MATN2: variants seen among roughly 807,000 people sequenced by gnomAD.
MATN2 encodes the protein matrilin-2.
Under a neutral mutation model 103.2 loss-of-function variants are expected in MATN2, and 69 were observed. The observed-to-expected ratio is 0.67, with a 90% CI of 0.55 to 0.82. The LOEUF (loss-of-function observed/expected upper bound fraction) is 0.82. MATN2 is among the 40% of genes least tolerant of loss of function. The pLI is 0.00. For missense variants in MATN2, 1,023 were observed against 1,211.5 expected, an observed-to-expected ratio of 0.84 and a Z score of 2.31; for synonymous variants, 429 against 450.2, an observed-to-expected ratio of 0.95 and a Z score of 0.60.
At chr8:98,021,445 G>A in intron 13 of MATN2, 118 bp downstream of exon 13, 2 of 1,124,610 alleles carry the variant, frequency 1.8e-6, no homozygotes, top group East Asian at 2.5e-5. Flanking sequence ...AAATGCATAT[G>A]CACAAATACA....
chr8:97,922,180 C>T (rs996861972), intron 2 of MATN2, among the ~76,000 whole-genome samples: 2 of 152,204 alleles, frequency 1.3e-5, no homozygotes, highest in African/African-American at 4.8e-5. Flanking sequence ...GGACTGCTGG[C>T]TTATCGGATG....
chr8:97,996,370 G>C (rs945753899), intron 7 of MATN2, among the ~76,000 whole-genome samples: 2 of 152,168 alleles, frequency 1.3e-5, no homozygotes, highest in African/African-American at 2.4e-5. Context: ...AGAGCGAGTA[G>C]AGAGGGAGTG....
At chr8:97,892,432 A>AC (rs1818664151) in intron 2 of MATN2, among the ~76,000 whole-genome samples, 2 of 151,184 alleles carry the variant, frequency 1.3e-5, no homozygotes, top group Admixed American at 1.3e-4. Context: ...AAAAAAAAAA[A>AC]AAAAAAGAAG....
chr8:97,900,866 C>T (rs569994580), intron 2 of MATN2, among the ~76,000 whole-genome samples: 5 of 152,070 alleles, frequency 3.3e-5, no homozygotes, highest in African/African-American at 9.7e-5. Flanking sequence ...ACCCAGAAGG[C>T]GGAGCTTGCA....
chr8:97,953,568 C>A (rs907316135), intron 4 of MATN2, among the ~76,000 whole-genome samples: 1 of 152,140 alleles, frequency 6.6e-6, no homozygotes, highest in African/African-American at 2.4e-5. Context: ...GGGCAGATCA[C>A]CTGAGGTCAG....
At chr8:98,032,442 C>T (rs1235388982) in intron 16 of MATN2, 125 bp downstream of exon 16, 5 of 697,654 alleles carry the variant, frequency 7.2e-6, no homozygotes, top group Non-Finnish European at 1.2e-5. Flanking sequence ...GCCTTTTTTC[C>T]CTCAAAAAGA....
chr8:98,029,878 T>C (rs895913224), intron 14 of MATN2, among the ~76,000 whole-genome samples: 12 of 152,220 alleles, frequency 7.9e-5, no homozygotes, highest in African/African-American at 2.9e-4. Context: ...CATATCCCTG[T>C]TGAAATTTAA....
At chr8:97,945,736 A>ATATATATATATAT (rs1810734965) in intron 4 of MATN2, among the ~76,000 whole-genome samples, 1 of 143,290 alleles carries the variant, frequency 7.0e-6, no homozygotes, top group African/African-American at 2.8e-5. Context: ...ATATATATAT[A>ATATATATATATAT]ATCTCCCCAC....
intron 1 of MATN2, among the ~76,000 whole-genome samples, chr8:97,883,921 G>A (rs1818338304): frequency 1.3e-5 from 2 of 152,072 alleles, no homozygotes; most frequent in African/African-American, 4.8e-5. Flanking sequence ...CCAAAGTGCT[G>A]GGATTATGGG....
chr8:97,941,672 G>T, intron 3 of MATN2, 105 bp from the exon 4 acceptor site: 1 of 1,324,424 alleles, frequency 7.6e-7, no homozygotes, highest in Admixed American at 2.1e-5. Flanking sequence ...ATTTCTCTGA[G>T]TCCTGCCCAG....
At chr8:97,900,410 T>G (rs531219710) in intron 2 of MATN2, among the ~76,000 whole-genome samples, 1 of 152,220 alleles carries the variant, frequency 6.6e-6, no homozygotes, top group Admixed American at 6.5e-5. Flanking sequence ...GCATGATGGA[T>G]TATGTGTACT....
intron 4 of MATN2, among the ~76,000 whole-genome samples, chr8:97,947,344 C>T (rs1435429559): frequency 6.6e-6 from 1 of 152,192 alleles, no homozygotes; most frequent in African/African-American, 2.4e-5. Context: ...ACTCCAGCAA[C>T]AGAGCGAGAC....
intron 13 of MATN2, among the ~76,000 whole-genome samples, chr8:98,024,112 G>C (rs1414049480): frequency 6.6e-6 from 1 of 152,168 alleles, no homozygotes; most frequent in Admixed American, 6.5e-5. Flanking sequence ...GTGATGGGCT[G>C]ATAGGTGCGG....
chr8:98,002,866 C>T (rs1042143097), intron 7 of MATN2, among the ~76,000 whole-genome samples: 2 of 152,144 alleles, frequency 1.3e-5, no homozygotes, highest in South Asian at 4.1e-4. Context: ...ATAACCCTGG[C>T]CTTGTCACCT....
chr8:97,891,142 A>T (rs564342513), intron 2 of MATN2, among the ~76,000 whole-genome samples: 5 of 152,116 alleles, frequency 3.3e-5, no homozygotes, highest in Non-Finnish European at 7.4e-5. Flanking sequence ...AGACACCATC[A>T]GGAGGTGCAC....
At chr8:97,915,840 T>C (rs1044733670) in intron 2 of MATN2, among the ~76,000 whole-genome samples, 4 of 152,268 alleles carry the variant, frequency 2.6e-5, no homozygotes, top group Admixed American at 1.3e-4. Context: ...TTCTGCACTC[T>C]CTTGTATTGA....
chr8:97,901,751 G>A (rs72675242), intron 2 of MATN2, among the ~76,000 whole-genome samples: 20,709 of 152,188 alleles, frequency 0.14, 1,613 homozygotes, highest in Admixed American at 0.24. Context: ...CAGGCACCAT[G>A]GGTGCATAGG....
intron 5 of MATN2, among the ~76,000 whole-genome samples, chr8:97,977,725 G>T (rs1332747049): frequency 6.6e-6 from 1 of 151,950 alleles, no homozygotes; most frequent in Admixed American, 6.6e-5. Context: ...CCTCCTGACT[G>T]CCCCCTTCTC....
chr8:97,900,795 T>C (rs1818953413), intron 2 of MATN2, among the ~76,000 whole-genome samples: 3 of 151,762 alleles, frequency 2.0e-5, no homozygotes, highest in South Asian at 4.2e-4. Flanking sequence ...ATTAGACGGG[T>C]GTGGTGGCGG....
Sources: allele counts gnomAD v4.1 joint callset (sites outside exome capture counted in the v4.1 genomes callset), GRCh38; gene constraint gnomAD v4.1.1; transcripts MANE v1.5; gene names NCBI Gene and HGNC (gene_info 2026-07-23, HGNC 2026-07-21).